ZDHHC17: variants seen among roughly 807,000 people sequenced by gnomAD.
ZDHHC17 encodes zDHHC palmitoyltransferase 17.
Under a neutral mutation model 90.3 loss-of-function variants are expected in ZDHHC17, and 40 were observed. That is an observed-to-expected ratio of 0.44 (90% CI 0.34 to 0.58). The LOEUF (loss-of-function observed/expected upper bound fraction) is 0.58. Ranked by LOEUF, ZDHHC17 falls within the 20% of genes least tolerant of loss-of-function variation. The probability of loss-of-function intolerance (pLI) is 0.01; values close to 1 mark genes in which losing one functional copy is unlikely to be tolerated. For missense variants in ZDHHC17, 614 were observed against 780.8 expected, an observed-to-expected ratio of 0.79 and a Z score of 2.55; for synonymous variants, 235 against 252.4, an observed-to-expected ratio of 0.93 and a Z score of 0.65.
At chr12:76,828,655 A>G (rs903326016) in intron 10 of ZDHHC17, among the ~76,000 whole-genome samples, 165 bp downstream of exon 10, 2 of 152,206 alleles carry the variant, frequency 1.3e-5, no homozygotes, top group Admixed American at 6.5e-5. Flanking sequence ...TAAATATTTA[A>G]TAGGTTGCTT....
At chr12:76,774,052 C>G (rs1452107834) in intron 1 of ZDHHC17, among the ~76,000 whole-genome samples, 1 of 152,066 alleles carries the variant, frequency 6.6e-6, no homozygotes, top group Non-Finnish European at 1.5e-5. Context: ...CAATTCCAGA[C>G]CAGCCTGGGA....
At chr12:76,793,820 TTTCTTGGTAGAAATAGCAATTAAATTGC>T (rs1413787510) in intron 1 of ZDHHC17, among the ~76,000 whole-genome samples, 1 of 152,224 alleles carries the variant, frequency 6.6e-6, no homozygotes, top group Non-Finnish European at 1.5e-5. Context: ...TAGTATTGCT[TTTCTTGGTAGAAATAGCAATTAAATTGC>T]TTCTTGGTTT....
intron 1 of ZDHHC17, among the ~76,000 whole-genome samples, chr12:76,768,157 G>A (rs1285260380): frequency 6.6e-6 from 1 of 152,212 alleles, no homozygotes; most frequent in Non-Finnish European, 1.5e-5. Flanking sequence ...TGAAAGGGAA[G>A]CTGCTGTTAC....
At chr12:76,829,221 G>T (rs1210965323) in intron 10 of ZDHHC17, among the ~76,000 whole-genome samples, 1 of 152,062 alleles carries the variant, frequency 6.6e-6, no homozygotes, top group Non-Finnish European at 1.5e-5. Context: ...CACTTTGGGA[G>T]GTCGAGGTGA....
chr12:76,764,397 A>G, intron 1 of ZDHHC17, 68 bp downstream of exon 1: 4 of 1,458,758 alleles, frequency 2.7e-6, no homozygotes, highest in Non-Finnish European at 3.7e-6. Context: ...GGACTCGCCG[A>G]GGGCGGCGGC....
At chr12:76,802,306 ATCT>A (rs1339317136) in intron 2 of ZDHHC17, among the ~76,000 whole-genome samples, 1 of 152,142 alleles carries the variant, frequency 6.6e-6, no homozygotes, top group African/African-American at 2.4e-5. Context: ...CTGATGAGAA[ATCT>A]TCTGATAATC....
At chr12:76,832,086 G>A (rs1953309395) in intron 10 of ZDHHC17, among the ~76,000 whole-genome samples, 1 of 152,192 alleles carries the variant, frequency 6.6e-6, no homozygotes, top group Non-Finnish European at 1.5e-5. Context: ...GGCCCTCTAC[G>A]ATTTTGGAAC....
chr12:76,808,761 C>CCT (rs1428524597), intron 3 of ZDHHC17, among the ~76,000 whole-genome samples: 3 of 151,790 alleles, frequency 2.0e-5, no homozygotes, highest in African/African-American at 7.3e-5. Context: ...CTTTGTAGTT[C>CCT]CTTGAGTACC....
chr12:76,798,606 A>C (rs1952851051), intron 2 of ZDHHC17, among the ~76,000 whole-genome samples: 1 of 152,202 alleles, frequency 6.6e-6, no homozygotes, highest in Non-Finnish European at 1.5e-5. Flanking sequence ...CACTGCTATA[A>C]AGAAATACCT....
intron 6 of ZDHHC17, among the ~76,000 whole-genome samples, chr12:76,815,517 C>G (rs1376489054): frequency 6.6e-6 from 1 of 151,586 alleles, no homozygotes; most frequent in Non-Finnish European, 1.5e-5. Context: ...AGTAAGTTGT[C>G]TTAGATCACT....
chr12:76,836,216 T>A (rs1953360789), intron 10 of ZDHHC17, among the ~76,000 whole-genome samples: 1 of 152,020 alleles, frequency 6.6e-6, no homozygotes, highest in Non-Finnish European at 1.5e-5. Context: ...TTATGTTCTT[T>A]GAAAGGGTTT....
chr12:76,836,935 T>C (rs1953372005), intron 10 of ZDHHC17, among the ~76,000 whole-genome samples: 1 of 152,254 alleles, frequency 6.6e-6, no homozygotes, highest in Non-Finnish European at 1.5e-5. Context: ...TGACTATTTA[T>C]TTTAATTAGT....
intron 10 of ZDHHC17, among the ~76,000 whole-genome samples, chr12:76,830,221 T>G (rs964697970): frequency 2.6e-5 from 4 of 152,236 alleles, no homozygotes; most frequent in Admixed American, 2.0e-4. Context: ...TGGTGACTTG[T>G]AACTGTTCTA....
chr12:76,799,468 A>G (rs953224286), intron 2 of ZDHHC17, among the ~76,000 whole-genome samples: 1 of 152,214 alleles, frequency 6.6e-6, no homozygotes, highest in Non-Finnish European at 1.5e-5. Flanking sequence ...CTTTATTACA[A>G]CTTGCTGAGG....
chr12:76,781,610 C>T (rs1397695952), intron 1 of ZDHHC17: 1 of 456,022 alleles, frequency 2.2e-6, no homozygotes, highest in Admixed American at 2.3e-5. Context: ...CACCTTCTAC[C>T]ATGGGATGAT....
At chr12:76,808,929 G>T (rs907935621) in intron 3 of ZDHHC17, 114 bp from the exon 4 acceptor site, 5 of 547,596 alleles carry the variant, frequency 9.1e-6, no homozygotes, top group Non-Finnish European at 1.4e-5. Flanking sequence ...TATTTTCAAA[G>T]GTTCAAACTA....
chr12:76,781,217 A>G (rs1291457807), intron 1 of ZDHHC17, among the ~76,000 whole-genome samples: 1 of 152,008 alleles, frequency 6.6e-6, no homozygotes, highest in Non-Finnish European at 1.5e-5. Flanking sequence ...ATAAATTGTT[A>G]CTACTACCTT....
intron 2 of ZDHHC17, among the ~76,000 whole-genome samples, chr12:76,802,082 G>C (rs933306472): frequency 2.0e-5 from 3 of 152,104 alleles, no homozygotes; most frequent in Non-Finnish European, 4.4e-5. Context: ...TTACTGTCTA[G>C]TGTCCCTTAA....
chr12:76,798,919 C>G (rs1565776784), intron 2 of ZDHHC17, among the ~76,000 whole-genome samples: 1 of 152,182 alleles, frequency 6.6e-6, no homozygotes, highest in Non-Finnish European at 1.5e-5. Flanking sequence ...TCACCTCTCA[C>G]CAGGCCCCAT....
Sources: gnomAD v4.1 joint callset for allele counts (sites outside exome capture counted in the v4.1 genomes callset) on GRCh38, gnomAD v4.1.1 for gene constraint, MANE v1.5 for transcripts, NCBI Gene and HGNC (gene_info 2026-07-23, HGNC 2026-07-21) for gene names.